The following LYPD6 variants were observed in gnomAD, a reference collection of about 807,000 sequenced individuals.
LYPD6 encodes LY6/PLAUR domain containing 6, also known as ly6/PLAUR domain-containing protein 6.
A neutral mutation model predicts 22.7 loss-of-function variants in LYPD6; 15 were observed. The observed-to-expected ratio is 0.66, with a 90% CI of 0.44 to 1.02. LYPD6 has a LOEUF of 1.02. LYPD6 is among the 50% of genes least tolerant of loss of function. The probability of loss-of-function intolerance (pLI) is 0.00; values close to 1 mark genes in which losing one functional copy is unlikely to be tolerated. For synonymous variants in LYPD6, 72 were observed against 77.5 expected (o/e 0.93, Z 0.37); for missense variants, 189 against 208.4 (o/e 0.91, Z 0.57).
intron 1 of LYPD6, among the ~76,000 whole-genome samples, chr2:149,425,783 G>T (rs1683176681): frequency 6.6e-6 from 1 of 152,204 alleles, no homozygotes; most frequent in Non-Finnish European, 1.5e-5. Context: ...GCCTTCAAAT[G>T]CAGGATGAGG....
intron 1 of LYPD6, among the ~76,000 whole-genome samples, chr2:149,423,783 G>A (rs1683133755): frequency 1.4e-5 from 2 of 142,798 alleles, no homozygotes; most frequent in African/African-American, 5.1e-5. Context: ...GGGGTGGGGG[G>A]TGTCACTGTT....
intron 1 of LYPD6, among the ~76,000 whole-genome samples, chr2:149,338,171 A>G (rs1681095978): frequency 1.3e-5 from 2 of 152,244 alleles, no homozygotes; most frequent in African/African-American, 4.8e-5. Flanking sequence ...TATATACCCA[A>G]TAATGGGATT....
the LYPD6 span, among the ~76,000 whole-genome samples, chr2:149,484,076 A>G: frequency 6.6e-6 from 1 of 152,226 alleles, no homozygotes; most frequent in African/African-American, 2.4e-5. Flanking sequence ...TGAGCTTACA[A>G]CAAACGTTAA....
chr2:149,449,665 G>C (rs1683765699), intron 3 of LYPD6, among the ~76,000 whole-genome samples: 1 of 152,030 alleles, frequency 6.6e-6, no homozygotes, highest in African/African-American at 2.4e-5. Flanking sequence ...ACTGAAGCAT[G>C]GAATTTTGAC....
chr2:149,463,540 CAGAGAAGT>C (rs1485052819), intron 3 of LYPD6, among the ~76,000 whole-genome samples: 1 of 152,144 alleles, frequency 6.6e-6, no homozygotes, highest in East Asian at 1.9e-4. Flanking sequence ...GTCACTCATA[CAGAGAAGT>C]AAAAAGTTAT....
At chr2:149,407,092 C>T (rs1243510407) in intron 1 of LYPD6, among the ~76,000 whole-genome samples, 11 of 152,086 alleles carry the variant, frequency 7.2e-5, no homozygotes, top group East Asian at 1.9e-4. Context: ...GAGTTTCTGC[C>T]GAGAGATCCA....
chr2:149,356,527 G>C (rs1269715740), intron 1 of LYPD6, among the ~76,000 whole-genome samples: 1 of 152,114 alleles, frequency 6.6e-6, no homozygotes, highest in Non-Finnish European at 1.5e-5. Flanking sequence ...TAGCCTGAGT[G>C]CCATTTCTTT....
chr2:149,457,999 C>A (rs1681002453), intron 3 of LYPD6, among the ~76,000 whole-genome samples: 1 of 152,156 alleles, frequency 6.6e-6, no homozygotes. Context: ...TGCTCTCTAG[C>A]AGAAGGACCA....
intron 1 of LYPD6, among the ~76,000 whole-genome samples, chr2:149,436,044 G>A (rs961991318): frequency 1.8e-4 from 28 of 152,254 alleles, no homozygotes; most frequent in African/African-American, 6.7e-4. Context: ...AAACAATTGG[G>A]TCTGTTGGGC....
chr2:149,432,227 A>G (rs896500569), intron 1 of LYPD6, among the ~76,000 whole-genome samples: 8 of 152,196 alleles, frequency 5.3e-5, no homozygotes, highest in Non-Finnish European at 1.0e-4. Context: ...AGACCACAAG[A>G]CCCAGCAGTT....
At chr2:149,365,298 A>G (rs562647644) in intron 1 of LYPD6, among the ~76,000 whole-genome samples, 1 of 152,366 alleles carries the variant, frequency 6.6e-6, no homozygotes, top group South Asian at 2.1e-4. Flanking sequence ...CCTTGGAATT[A>G]GACATTTCCA....
At chr2:149,334,472 T>A (rs1680996642) in intron 1 of LYPD6, among the ~76,000 whole-genome samples, 1 of 152,152 alleles carries the variant, frequency 6.6e-6, no homozygotes, top group African/African-American at 2.4e-5. Context: ...TTGGAGGTAA[T>A]AGATCAAGAA....
At chr2:149,402,785 T>G (rs987079595) in intron 1 of LYPD6, among the ~76,000 whole-genome samples, 27 of 152,040 alleles carry the variant, frequency 1.8e-4, no homozygotes, top group Non-Finnish European at 3.8e-4. Context: ...AACGTGCAGG[T>G]TTGTTACATA....
downstream of LYPD6, among the ~76,000 whole-genome samples, chr2:149,477,386 G>A (rs1268958809): frequency 6.6e-6 from 1 of 152,032 alleles, no homozygotes; most frequent in Admixed American, 6.5e-5. Flanking sequence ...ACTTTGGGAG[G>A]CCAAGGAGGG....
intron 1 of LYPD6, among the ~76,000 whole-genome samples, chr2:149,418,627 T>C (rs996764665): frequency 1.3e-5 from 2 of 151,292 alleles, no homozygotes; most frequent in African/African-American, 4.9e-5. Context: ...TGTCCACAAT[T>C]TTCCCATTGA....
intron 1 of LYPD6, among the ~76,000 whole-genome samples, chr2:149,406,703 C>T (rs1304002735): frequency 6.6e-6 from 1 of 152,132 alleles, no homozygotes; most frequent in Non-Finnish European, 1.5e-5. Context: ...CAGTCTGTGT[C>T]TTTTAATTGG....
At chr2:149,431,551 T>A (rs1405966332) in intron 1 of LYPD6, among the ~76,000 whole-genome samples, 1 of 152,224 alleles carries the variant, frequency 6.6e-6, no homozygotes, top group Non-Finnish European at 1.5e-5. Flanking sequence ...TGAGTGGTGC[T>A]TCATGATTTA....
intron 1 of LYPD6, among the ~76,000 whole-genome samples, chr2:149,395,198 T>C (rs947539372): frequency 6.6e-6 from 1 of 152,166 alleles, no homozygotes; most frequent in African/African-American, 2.4e-5. Flanking sequence ...CCTTGTCACG[T>C]AGAAGCTTCT....
chr2:149,349,666 A>T (rs557400214), intron 1 of LYPD6, among the ~76,000 whole-genome samples: 1 of 152,348 alleles, frequency 6.6e-6, no homozygotes, highest in Middle Eastern at 3.4e-3. Flanking sequence ...CTTTGCTAAC[A>T]GCTTTTCCTC....
Sources: gnomAD v4.1 joint callset for allele counts (sites outside exome capture counted in the v4.1 genomes callset) on GRCh38, gnomAD v4.1.1 for gene constraint, MANE v1.5 for transcripts, NCBI Gene and HGNC (gene_info 2026-07-23, HGNC 2026-07-21) for gene names.